The following SELENOI variants were observed in gnomAD, a reference collection of about 807,000 sequenced individuals.
The protein encoded by SELENOI is selenoprotein I, also known as ethanolaminephosphotransferase 1.
In SELENOI, 24 loss-of-function variants were observed where a neutral mutation model predicts 50.7. That is an observed-to-expected ratio of 0.47 (90% confidence interval 0.34 to 0.67). The LOEUF (loss-of-function observed/expected upper bound fraction) is 0.67, where lower values mean the gene tolerates loss of function less well. Ranked by LOEUF, SELENOI falls within the 30% of genes least tolerant of loss-of-function variation. The pLI, the probability that SELENOI is intolerant of heterozygous loss-of-function variation, is 0.01. For synonymous variants in SELENOI, 155 were observed against 170.2 expected (o/e 0.91, Z 0.70); for missense variants, 352 against 461.4 (o/e 0.76, Z 2.17).
chr2:26,367,391 A>G (rs1003505795), intron 4 of SELENOI, among the ~76,000 whole-genome samples, 171 bp downstream of exon 4: 1 of 152,242 alleles, frequency 6.6e-6, no homozygotes, highest in Non-Finnish European at 1.5e-5. Context: ...AAATTTTGTC[A>G]TTCATTGCCA....
chr2:26,365,427 C>T (rs763455109), intron 3 of SELENOI, among the ~76,000 whole-genome samples: 4 of 152,196 alleles, frequency 2.6e-5, no homozygotes, highest in Non-Finnish European at 5.9e-5. Context: ...CAGTGGTCAG[C>T]CTGCTCCTGC....
Position 26,390,297 on chromosome 2 carries a change from A to C in SELENOI, c.*1194A>C, listed in dbSNP as rs937559861. The C allele has an allele frequency of 1.3e-5, 2 of 151,914 alleles. No individual in the cohort carries two copies. The highest frequency in any genetic ancestry group is 6.6e-5 in the Admixed American group (1 of 15,190). The allele number at this position is 151,914 out of a possible 1,614,324, so 9.4% of individuals were successfully genotyped here. ...TTTCATGATGTGGATATTTTCTTCTATTTCTTTGTCTTCATTTAATTTGGT... is the reference window on the plus strand; with the variant it reads ...TTTCATGATGTGGATATTTTCTTCTCTTTCTTTGTCTTCATTTAATTTGGT... On this transcript the variant is annotated 3_prime_UTR_variant, in exon 10 of 10. Transcript: ENST00000260585.
intron 1 of SELENOI, among the ~76,000 whole-genome samples, chr2:26,358,964 C>A (rs1677120198): frequency 6.6e-6 from 1 of 152,092 alleles, no homozygotes; most frequent in Non-Finnish European, 1.5e-5. Flanking sequence ...CTCCTTTTGC[C>A]CTAGACCACA....
At chr2:26,353,578 C>G (rs893425376) in intron 1 of SELENOI, among the ~76,000 whole-genome samples, 1 of 152,062 alleles carries the variant, frequency 6.6e-6, no homozygotes, top group Non-Finnish European at 1.5e-5. Flanking sequence ...GGGGAACTGC[C>G]CTCTGTTCCC....
chr2:26,361,440 ATT>A lies in SELENOI; in HGVS notation c.58-2861_58-2860del, dbSNP rs1277524728. ...AAAACAACTATAACAATGTACTGTT[ATT>A]ACATTTATGTGAATTTGGTCTCTCT... On this transcript the variant is annotated intron_variant, in intron 1 of 9. Coordinates refer to ENST00000260585, the MANE Select transcript of SELENOI (RefSeq NM_033505.4). Among the ~76,000 whole-genome samples the A allele has an allele frequency of 1.2e-4, 19 of 152,344 alleles. No individual in the cohort carries two copies. In the South Asian group the frequency reaches 3.7e-3, roughly 30 times the overall value.
At chr2:26,375,448 G>A (rs998075140) in intron 6 of SELENOI, among the ~76,000 whole-genome samples, 1 of 152,112 alleles carries the variant, frequency 6.6e-6, no homozygotes, top group African/African-American at 2.4e-5. Flanking sequence ...TCCACATTTG[G>A]TACAGGTTTT....
chr2:26,381,735 T>G (rs1428028837), intron 6 of SELENOI, among the ~76,000 whole-genome samples: 2 of 152,208 alleles, frequency 1.3e-5, no homozygotes, highest in African/African-American at 2.4e-5. Context: ...TAAGTTCGTC[T>G]AATTTGGGGA....
chr2:26,377,438 TG>T lies in SELENOI; in HGVS notation c.682+2293del, dbSNP rs534027835. 4.2e-4 allele frequency among the ~76,000 whole-genome samples: 64 copies of T among 152,234 alleles called. No individual in the cohort carries two copies. The Middle Eastern group carries it at 0.014, about 32-fold the overall frequency. ...TGAGGCCAGGAAGTCAAGACCAGCC[TG>T]GGTAACATAGTGGGATCACGTCTCT... On this transcript the variant is annotated intron_variant, in intron 6 of 9. Transcript: ENST00000260585.
chr2:26,370,095 C>T (rs1015895361), intron 4 of SELENOI, among the ~76,000 whole-genome samples: 1 of 151,234 alleles, frequency 6.6e-6, no homozygotes, highest in African/African-American at 2.5e-5. Context: ...ATCTGTTTAA[C>T]AAAGCACATC....
rs888639901 is a variant in SELENOI, at chr2:26,393,792, C to T, written c.*4689C>T. 1 of 152,198 alleles carries T rather than the reference C, an allele frequency of 6.6e-6. No homozygotes were observed. Among genetic ancestry groups the T allele is most frequent in the African/African-American group, 2.4e-5 (1 of 41,454 alleles). The allele number at this position is 152,198 out of a possible 1,614,324, so 9.4% of individuals were successfully genotyped here. On this transcript the variant is annotated 3_prime_UTR_variant, in exon 10 of 10. Coordinates refer to ENST00000260585, the MANE Select transcript of SELENOI (RefSeq NM_033505.4). ...GGAAGCAGACTGCTCTTCAGCAGCA[C>T]ATATACTGCAACTGAAGTTAGAGAC...
intron 3 of SELENOI, 58 bp downstream of exon 3, chr2:26,364,998 G>C: frequency 1.6e-6 from 2 of 1,248,414 alleles, no homozygotes; most frequent in Non-Finnish European, 2.2e-6. Context: ...AAATGTGGAT[G>C]CTTATTTTCT....
At chr2:26,386,669 G>T in intron 9 of SELENOI, 133 bp downstream of exon 9, 9 of 685,612 alleles carry the variant, frequency 1.3e-5, no homozygotes, top group Admixed American at 3.8e-5. Flanking sequence ...AAGGGTTTTG[G>T]GATATTCTCT....
Position 26,346,257 on chromosome 2 carries a change from C to T in SELENOI, c.25C>T (p.Pro9Ser), listed in dbSNP as rs759682662. Residue 9 changes from proline to serine, a missense_variant, in exon 1 of 10, where the codon CCG becomes TCG. Physicochemically the swap from Pro to Ser is moderately conservative, Grantham distance 74. Coordinates refer to ENST00000260585, the MANE Select transcript of SELENOI (RefSeq NM_033505.4). Reference sequence around the variant, plus strand: ...CATGGCTGGCTACGAATACGTGAGCCCGGAGCAGCTGGCTGGCTTTGATAA... The same window carrying T: ...CATGGCTGGCTACGAATACGTGAGCTCGGAGCAGCTGGCTGGCTTTGATAA... MAGYEYVS[P>S]EQLAGFDKYK... The T allele has an allele frequency of 4.0e-5, 65 of 1,613,518 alleles. No homozygotes were observed. In the South Asian group the frequency reaches 6.8e-4, roughly 17 times the overall value.
intron 6 of SELENOI, 52 bp from the exon 7 acceptor site, chr2:26,383,247 T>C: frequency 7.3e-7 from 1 of 1,364,134 alleles, no homozygotes; most frequent in South Asian, 1.4e-5. Flanking sequence ...TCAGTGGTAA[T>C]GTAATAATTG....
intron 1 of SELENOI, 152 bp downstream of exon 1, chr2:26,346,441 TG>T (rs1676762930): frequency 1.0e-5 from 10 of 961,662 alleles, no homozygotes; most frequent in Non-Finnish European, 1.2e-5. Context: ...TCCTGGGGAT[TG>T]GGGGTCGGGG....
intron 1 of SELENOI, 182 bp downstream of exon 1, chr2:26,346,471 G>T: frequency 1.5e-6 from 1 of 653,246 alleles, no homozygotes; most frequent in Non-Finnish European, 2.4e-6. Flanking sequence ...AGCATCCTAA[G>T]CCCGCCGCCC....
intron 3 of SELENOI, 35 bp downstream of exon 3, chr2:26,364,975 G>A (rs1166247760): frequency 4.9e-6 from 7 of 1,434,046 alleles, no homozygotes; most frequent in Non-Finnish European, 6.6e-6. Flanking sequence ...ATTTAACTGA[G>A]TAGAAAAAAA....
intron 1 of SELENOI, among the ~76,000 whole-genome samples, chr2:26,357,301 C>G (rs1677084472): frequency 6.6e-6 from 1 of 152,210 alleles, no homozygotes; most frequent in Non-Finnish European, 1.5e-5. Flanking sequence ...TACCTGACTG[C>G]CTTCTCATCT....
At chr2:26,375,454 G>C (rs1403847480) in intron 6 of SELENOI, among the ~76,000 whole-genome samples, 1 of 152,122 alleles carries the variant, frequency 6.6e-6, no homozygotes, top group Non-Finnish European at 1.5e-5. Flanking sequence ...TTTGGTACAG[G>C]TTTTATATTT....
Sources: allele counts gnomAD v4.1 joint callset (sites outside exome capture counted in the v4.1 genomes callset), GRCh38; gene constraint gnomAD v4.1.1; transcripts MANE v1.5; gene names NCBI Gene and HGNC (gene_info 2026-07-23, HGNC 2026-07-21).